The following USP10 variants were observed in gnomAD, a reference collection of about 807,000 sequenced individuals.
USP10 encodes ubiquitin carboxyl-terminal hydrolase 10.
A neutral mutation model predicts 84.5 loss-of-function variants in USP10; 22 were observed. That is an observed-to-expected ratio of 0.26 (90% CI 0.19 to 0.37). The LOEUF (loss-of-function observed/expected upper bound fraction) is 0.37, where lower values mean the gene tolerates loss of function less well. USP10 is among the 10% of genes least tolerant of loss of function. USP10 has a pLI of 1.00. For synonymous variants in USP10, 454 were observed against 387.6 expected (o/e 1.17, Z -2.01); for missense variants, 1,019 against 998.9 (o/e 1.02, Z -0.27).
chr16:84,753,109 G>C (rs7185379), intron 4 of USP10, among the ~76,000 whole-genome samples: 24,113 of 151,954 alleles, frequency 0.16, 1,970 homozygotes, highest in Admixed American at 0.2. Flanking sequence ...TGGGACTATA[G>C]GCAGGCACCA....
chr16:84,758,435 G>T (rs746233664), intron 4 of USP10, among the ~76,000 whole-genome samples: 15 of 151,976 alleles, frequency 9.9e-5, no homozygotes, highest in Non-Finnish European at 1.9e-4. Context: ...ACATTTTTTT[G>T]TTTCTCATTA....
intron 4 of USP10, among the ~76,000 whole-genome samples, chr16:84,747,987 CT>C (rs1342573331): frequency 2.0e-5 from 3 of 151,364 alleles, no homozygotes; most frequent in African/African-American, 7.3e-5. Flanking sequence ...CCCGTCTCTA[CT>C]AAAAAAAACC....
chr16:84,726,596 C>A (rs1908512792), intron 1 of USP10, among the ~76,000 whole-genome samples: 1 of 152,120 alleles, frequency 6.6e-6, no homozygotes. Context: ...GTGGGCTTGC[C>A]CCCCTTTTCT....
intron 12 of USP10, 134 bp downstream of exon 12, chr16:84,772,819 C>T (rs1914597649): frequency 4.4e-5 from 55 of 1,256,654 alleles, no homozygotes; most frequent in Non-Finnish European, 5.9e-5. Flanking sequence ...TTTTAAGTTT[C>T]TTGACTTGTA....
intron 4 of USP10, among the ~76,000 whole-genome samples, chr16:84,755,581 A>T (rs1447275012): frequency 6.6e-6 from 1 of 152,140 alleles, no homozygotes; most frequent in Non-Finnish European, 1.5e-5. Flanking sequence ...GGCTGCAGTG[A>T]GGCATAATCA....
At chr16:84,702,212 A>G (rs949125651) in intron 1 of USP10, among the ~76,000 whole-genome samples, 2 of 151,228 alleles carry the variant, frequency 1.3e-5, no homozygotes, top group Non-Finnish European at 2.9e-5. Context: ...GCCCACCACC[A>G]TGCCTGGCTA....
intron 2 of USP10, among the ~76,000 whole-genome samples, chr16:84,734,049 T>A (rs370359854): frequency 3.9e-5 from 6 of 152,320 alleles, no homozygotes; most frequent in African/African-American, 1.4e-4. Context: ...CATTTAGGTC[T>A]CTAGTTCAGC....
rs118015634 is a variant in USP10 at position 84,704,407 on chromosome 16, A to G, written c.21+4296A>G. Among the ~76,000 whole-genome samples, 100 of 152,378 alleles carry G rather than the reference A, an allele frequency of 6.6e-4. No individual in the cohort carries two copies. In the East Asian group the frequency reaches 0.017, roughly 26 times the overall value. The stretch of plus-strand genomic sequence containing the variant: ...CACAAAACAGATAAATCTGTTTGCA[A>G]TGGAATTTGCTGGCCTTGGGCCATT... On this transcript the variant is annotated intron_variant, in intron 1 of 13. Transcript: ENST00000219473.
chr16:84,777,341 C>T (rs1915126475), intron 13 of USP10, among the ~76,000 whole-genome samples: 1 of 152,204 alleles, frequency 6.6e-6, no homozygotes, highest in Admixed American at 6.5e-5. Flanking sequence ...CCAGGCCCTG[C>T]AGATTCTACT....
In USP10 at chr16:84,745,389, A is replaced by C. The variant is rs1911099106; in HGVS notation, c.908A>C (p.Glu303Ala). 1 of 1,613,416 alleles carries C rather than the reference A, an allele frequency of 6.2e-7. No individual in the cohort carries two copies. Among genetic ancestry groups the C allele is most frequent in the South Asian group, 1.1e-5 (1 of 91,052 alleles). Residue 303 changes from glutamate to alanine, a missense_variant, in exon 4 of 14, where the codon GAG (glutamate) becomes GCG (alanine). This residue lies in a region of USP10 where 787 missense variants were observed against 708.8 expected (regional missense o/e 1.11). Coordinates refer to ENST00000219473, the MANE Select transcript of USP10 (RefSeq NM_005153.3). ...SGEGTATNGV[E>A]LHTTESIDLD... Reference sequence around the variant, plus strand: ...GAGGGCACAGCTACCAACGGGGTGGAGTTGCACACCACGGAAAGCATAGAC... The same window carrying C: ...GAGGGCACAGCTACCAACGGGGTGGCGTTGCACACCACGGAAAGCATAGAC...
chr16:84,763,978 A>G, intron 9 of USP10, 108 bp from the exon 10 acceptor site: 1 of 1,381,988 alleles, frequency 7.2e-7, no homozygotes, highest in South Asian at 1.5e-5. Flanking sequence ...CCTAATGTAG[A>G]CCACACCCTG....
At chr16:84,740,419 C>G (rs1910490406) in intron 3 of USP10, 50 bp downstream of exon 3, 1 of 1,469,414 alleles carries the variant, frequency 6.8e-7, no homozygotes, top group Non-Finnish European at 9.4e-7. Flanking sequence ...GCCATACGTG[C>G]TGGGTGGGCA....
chr16:84,720,299 GTATTT>G (rs1212712320), intron 1 of USP10, among the ~76,000 whole-genome samples: 2 of 152,096 alleles, frequency 1.3e-5, no homozygotes, highest in Non-Finnish European at 2.9e-5. Flanking sequence ...CGGTTCCAGC[GTATTT>G]TATTAAGTGA....
chr16:84,705,927 A>G (rs868777470), intron 1 of USP10, among the ~76,000 whole-genome samples: 5 of 151,826 alleles, frequency 3.3e-5, no homozygotes, highest in Admixed American at 6.6e-5. Context: ...TCACCATGTT[A>G]GTCAGGCTGG....
At chr16:84,704,237 G>A (rs1186294943) in intron 1 of USP10, among the ~76,000 whole-genome samples, 1 of 152,190 alleles carries the variant, frequency 6.6e-6, no homozygotes, top group African/African-American at 2.4e-5. Context: ...CTGGTATTCA[G>A]GTGGCACATT....
chr16:84,761,169 A>G (rs952791301), intron 8 of USP10, among the ~76,000 whole-genome samples: 30 of 152,142 alleles, frequency 2.0e-4, no homozygotes, highest in Admixed American at 1.8e-3. Context: ...TCAGTGAGGG[A>G]ATGAGTTAAT....
chr16:84,708,615 T>A (rs1384555458), intron 1 of USP10, among the ~76,000 whole-genome samples: 1 of 152,236 alleles, frequency 6.6e-6, no homozygotes, highest in Non-Finnish European at 1.5e-5. Context: ...TTTCTCCATC[T>A]TCTTCAAAAT....
In USP10 at chr16:84,760,204, C is replaced by T; in HGVS notation, c.1483C>T (p.Pro495Ser). 6.2e-7 allele frequency: 1 copy of T among 1,610,538 alleles called. No individual in the cohort carries two copies. The highest frequency in any genetic ancestry group is 8.5e-7 in the Non-Finnish European group (1 of 1,178,254). ...LGDKIVRDIRPGAAFEPTYIY... is the reference protein window; with the variant it reads ...LGDKIVRDIRSGAAFEPTYIY... ...AGATAAAATCGTGAGGGATATTCGC[C>T]CTGGAGCTGCCTTTGAGCCCACATA... is the stretch of plus-strand genomic sequence containing the variant. Residue 495 changes from proline to serine, a missense_variant, in exon 8 of 14, where the codon CCT (proline) becomes TCT (serine). By Grantham distance (74) the Pro-to-Ser change is moderately conservative. This residue lies in a region of USP10 where 787 missense variants were observed against 708.8 expected (regional missense o/e 1.11). Transcript: ENST00000219473.
chr16:84,708,153 T>C (rs1024755731), intron 1 of USP10, among the ~76,000 whole-genome samples: 1 of 151,166 alleles, frequency 6.6e-6, no homozygotes, highest in Non-Finnish European at 1.5e-5. Context: ...GTGTTCATAG[T>C]GTAAAAAGAG....
Sources: allele counts gnomAD v4.1 joint callset (sites outside exome capture counted in the v4.1 genomes callset), GRCh38; gene constraint gnomAD v4.1.1; regional missense constraint gnomAD v4.1.1; transcripts MANE v1.5; gene names NCBI Gene and HGNC (gene_info 2026-07-23, HGNC 2026-07-21).